GFRAL: variants seen among roughly 807,000 people sequenced by gnomAD.
GFRAL encodes the protein GDNF family receptor alpha like, also known as GDNF family receptor alpha-like.
Under a neutral mutation model 45.4 loss-of-function variants are expected in GFRAL, and 36 were observed. The ratio of observed to expected loss-of-function variants is 0.79; its 90% CI spans 0.61 to 1.05. GFRAL has a LOEUF of 1.05. GFRAL is among the 50% of genes least tolerant of loss of function. GFRAL has a pLI of 0.00. For synonymous variants in GFRAL, 166 were observed against 154.1 expected, an observed-to-expected ratio of 1.08 and a Z score of -0.57; for missense variants, 507 against 467.5, an observed-to-expected ratio of 1.08 and a Z score of -0.78.
chr6:55,344,555 C>T (rs1264710345), intron 3 of GFRAL, among the ~76,000 whole-genome samples: 18 of 152,082 alleles, frequency 1.2e-4, no homozygotes, highest in African/African-American at 4.3e-4. Context: ...ATAATAAGAG[C>T]TATTTATGAC....
intron 6 of GFRAL, among the ~76,000 whole-genome samples, chr6:55,384,867 A>C (rs1768659298): frequency 6.6e-6 from 1 of 151,220 alleles, no homozygotes; most frequent in Non-Finnish European, 1.5e-5. Context: ...AAGCAGCAAA[A>C]AAAAAAAAAA....
In GFRAL at chr6:55,351,526, T is replaced by C. The variant is rs374396628; in HGVS notation, c.644T>C (p.Val215Ala). The C allele has an allele frequency of 9.9e-6, 16 of 1,610,270 alleles. 1 individual carries two copies. The highest frequency in any genetic ancestry group is 1.3e-5 in the Non-Finnish European group (15 of 1,177,100). The stretch of plus-strand genomic sequence containing the variant: ...AGCAAGACATGTGCAGTGAACATGG[T>C]TCCACCCCCTACTTGCCTCAGTGTA... Reference protein sequence around the residue: ...LHSKTCAVNMVPPPTCLSVIR... With the variant: ...LHSKTCAVNMAPPPTCLSVIR... Residue 215 changes from valine (V) to alanine (A), a missense_variant, in exon 5 of 9, where the codon GTT becomes GCT. Transcript: ENST00000340465.
chr6:55,354,967 T>C (rs1200377292), intron 5 of GFRAL, among the ~76,000 whole-genome samples: 2 of 151,946 alleles, frequency 1.3e-5, no homozygotes, highest in African/African-American at 4.8e-5. Context: ...CTTGCCAATT[T>C]CACAAAAGTC....
intron 6 of GFRAL, among the ~76,000 whole-genome samples, chr6:55,395,301 C>T (rs933590388): frequency 6.6e-6 from 1 of 151,260 alleles, no homozygotes; most frequent in African/African-American, 2.4e-5. Context: ...GTGGTAATGT[C>T]ATTTATATAT....
At chr6:55,396,560 T>TA (rs35330228) in intron 6 of GFRAL, among the ~76,000 whole-genome samples, 4 of 151,914 alleles carry the variant, frequency 2.6e-5, no homozygotes, top group African/African-American at 9.7e-5. Context: ...AGCTTTTTTT[T>TA]AAAAAAGGCC....
In GFRAL at chr6:55,399,352, T is replaced by A. The variant is rs1200152105; in HGVS notation, c.1049-17T>A. ...AAATCCAGTGACTATTATTTCTTAATCTTTTTCTTTTTCTAGGAGAAGTAA... is the reference window on the plus strand; with the variant it reads ...AAATCCAGTGACTATTATTTCTTAAACTTTTTCTTTTTCTAGGAGAAGTAA... On this transcript the variant is annotated splice_polypyrimidine_tract_variant and intron_variant, in intron 7 of 8. Transcript: ENST00000340465. The A allele has an allele frequency of 1.3e-6, 2 of 1,591,638 alleles. No individual in the cohort carries two copies. Among genetic ancestry groups the A allele is most frequent in the African/African-American group, 2.7e-5 (2 of 74,354 alleles).
intron 6 of GFRAL, among the ~76,000 whole-genome samples, chr6:55,395,175 A>AAAATAT: frequency 2.2e-4 from 27 of 123,476 alleles, no homozygotes; most frequent in African/African-American, 6.9e-4. Context: ...AAAAAAAAAA[A>AAAATAT]ATATATATAT....
chr6:55,363,959 G>A (rs1768317187), intron 6 of GFRAL, among the ~76,000 whole-genome samples: 1 of 148,518 alleles, frequency 6.7e-6, no homozygotes, highest in African/African-American at 2.5e-5. Flanking sequence ...ACCCAGTAAT[G>A]GGATGGCTGG....
rs565369124 is a variant in GFRAL, at chr6:55,333,689, T to C, written c.158-97T>C. The C allele has an allele frequency of 6.0e-4, 391 of 655,388 alleles. 1 individual carries two copies. Among genetic ancestry groups the C allele is most frequent in the Non-Finnish European group, 8.9e-4 (376 of 423,378 alleles). The allele number at this position is 655,388 out of a possible 1,614,324, so 40.6% of individuals were successfully genotyped here. On this transcript the variant is annotated intron_variant, in intron 2 of 8. Transcript: ENST00000340465. The stretch of plus-strand genomic sequence containing the variant: ...CCCCAGATAATCTTACCATATTAAT[T>C]AATTATTCAGGTTAATATGTTAAAA...
At chr6:55,328,056 A>G (rs558368581) in intron 1 of GFRAL, among the ~76,000 whole-genome samples, 4 of 152,098 alleles carry the variant, frequency 2.6e-5, no homozygotes, top group Admixed American at 1.3e-4. Context: ...TGCTAACTAG[A>G]AGTAATTTAG....
chr6:55,398,156 A>G (rs1410948670), intron 6 of GFRAL, among the ~76,000 whole-genome samples: 1 of 152,198 alleles, frequency 6.6e-6, no homozygotes, highest in Non-Finnish European at 1.5e-5. Context: ...GCATGACTGT[A>G]GATTTTCTTA....
chr6:55,396,819 A>G (rs1398661648), intron 6 of GFRAL, among the ~76,000 whole-genome samples: 1 of 151,452 alleles, frequency 6.6e-6, no homozygotes, highest in Non-Finnish European at 1.5e-5. Context: ...CACAAGTTCT[A>G]CCTCTATTAC....
At chr6:55,359,594 T>G (rs1490119927) in intron 6 of GFRAL, among the ~76,000 whole-genome samples, 1 of 151,984 alleles carries the variant, frequency 6.6e-6, no homozygotes, top group Non-Finnish European at 1.5e-5. Context: ...CTCATGTGCC[T>G]ATAGTCATCT....
intron 5 of GFRAL, among the ~76,000 whole-genome samples, chr6:55,355,859 GCT>G (rs1460781329): frequency 6.6e-6 from 1 of 151,880 alleles, no homozygotes; most frequent in Non-Finnish European, 1.5e-5. Flanking sequence ...CTATTGGTCT[GCT>G]CTGTCATATA....
intron 6 of GFRAL, among the ~76,000 whole-genome samples, chr6:55,367,393 C>G (rs533242143): frequency 6.9e-6 from 1 of 144,354 alleles, no homozygotes; most frequent in Non-Finnish European, 1.5e-5. Context: ...GACTCTTGAT[C>G]CAATTTGCCA....
intron 6 of GFRAL, among the ~76,000 whole-genome samples, chr6:55,365,873 T>C (rs1768354767): frequency 1.4e-5 from 2 of 147,048 alleles, no homozygotes; most frequent in African/African-American, 5.1e-5. Flanking sequence ...TGCATCAATG[T>C]TCATCAAGGA....
At chr6:55,395,175 A>AAT (rs1234650477) in intron 6 of GFRAL, among the ~76,000 whole-genome samples, 2,683 of 123,414 alleles carry the variant, frequency 0.022, 55 homozygotes, top group Non-Finnish European at 0.026. Context: ...AAAAAAAAAA[A>AAT]ATATATATAT....
intron 6 of GFRAL, among the ~76,000 whole-genome samples, chr6:55,364,491 C>T (rs376444901): frequency 0.064 from 7,728 of 120,520 alleles, 361 homozygotes; most frequent in African/African-American, 0.12. Context: ...GCTTTTGGTG[C>T]TTTAGACATG....
intron 6 of GFRAL, among the ~76,000 whole-genome samples, chr6:55,373,087 C>CAAAAAAAA (rs571971780): frequency 7.8e-6 from 1 of 127,590 alleles, no homozygotes. Context: ...AGCAAAACCT[C>CAAAAAAAA]AAAAAAAAAA....
Sources: allele counts gnomAD v4.1 joint callset (sites outside exome capture counted in the v4.1 genomes callset), GRCh38; gene constraint gnomAD v4.1.1; transcripts MANE v1.5; gene names NCBI Gene and HGNC (gene_info 2026-07-23, HGNC 2026-07-21).